PCDH8: variants seen among roughly 807,000 people sequenced by gnomAD.
PCDH8 encodes the protein protocadherin-8.
PCDH8 carries 36 observed loss-of-function variants against 58.2 expected under a neutral mutation model. The observed-to-expected ratio is 0.62, with a 90% CI of 0.47 to 0.82. The LOEUF (loss-of-function observed/expected upper bound fraction) is 0.82. Among genes scored for constraint, PCDH8 ranks in the 40% least tolerant of loss-of-function variants. The pLI, the probability that PCDH8 is intolerant of heterozygous loss-of-function variation, is 0.00. For synonymous variants in PCDH8, 775 were observed against 728.9 expected, an observed-to-expected ratio of 1.06 and a Z score of -1.02; for missense variants, 1,493 against 1,567.8, an observed-to-expected ratio of 0.95 and a Z score of 0.81.
chr13:52,844,743 C>T lies in PCDH8; in HGVS notation c.3030G>A (p.Lys1010=). 6.2e-7 allele frequency: 1 copy of T among 1,613,668 alleles called. No homozygotes were observed. The highest frequency in any genetic ancestry group is 1.1e-5 in the South Asian group (1 of 90,996). The part of the protein sequence containing the change: ...RDNYYQAQLP[K]TVGLQSVYEK... Reference sequence around the variant, plus strand: ...CATAGACGCTCTGCAGCCCCACTGTCTTGGGCAGCTGGGCCTGGTAGTAAT... The same window carrying T: ...CATAGACGCTCTGCAGCCCCACTGTTTTGGGCAGCTGGGCCTGGTAGTAAT... Residue 1010 remains lysine (K), a synonymous_variant, in exon 3 of 3, where the codon AAG becomes AAA. Coordinates refer to ENST00000377942, the MANE Select transcript of PCDH8 (RefSeq NM_002590.4).
In PCDH8 at chr13:52,846,122, G is replaced by A. The variant is rs764299675; in HGVS notation, c.2315C>T (p.Thr772Ile). 1 of 1,582,968 alleles carries A rather than the reference G, an allele frequency of 6.3e-7. No homozygotes were observed. Among genetic ancestry groups the A allele is most frequent in the Non-Finnish European group, 8.5e-7 (1 of 1,171,944 alleles). Residue 772 changes from threonine (T) to isoleucine (I), a missense_variant, in exon 1 of 3, where the codon ACC (threonine) becomes ATC (isoleucine). Physicochemically the swap from Thr to Ile is moderately conservative, Grantham distance 89 (BLOSUM62 -1). Around this residue, in one of 3 missense-constraint regions of PCDH8, gnomAD observed 1,307 missense variants for 1,362.7 expected, o/e 0.96. Transcript: ENST00000377942. ...CTCCTTCTTGCGGCGGTTGCAGGTG[G>A]TGGCGATGGCGATGATGGCGGCCAG... ...LLLAAIIAIA[T>I]TCNRRKKEVR...
rs779347497 is a variant in PCDH8 at position 52,844,940 on chromosome 13, C to T, written c.2840-7G>A. 44 of 1,512,268 alleles carry T rather than the reference C, an allele frequency of 2.9e-5. No homozygotes were observed. The highest frequency in any genetic ancestry group is 3.7e-5 in the Non-Finnish European group (42 of 1,131,144). The allele number at this position is 1,512,268 out of a possible 1,614,324, so 93.7% of individuals were successfully genotyped here. A position where few individuals can be genotyped will look rare whatever the true frequency, so the allele number is the denominator to read the frequency against. On this transcript the variant is annotated splice_polypyrimidine_tract_variant and splice_region_variant and intron_variant, in intron 2 of 2. Transcript: ENST00000377942. ...GCGGTGCACGCCCACAGTCCTAATA[C>T]GAAAGGGAAAAGGAAACAGCATGAC...
chr13:52,848,002 G>T lies in PCDH8; in HGVS notation c.435C>A (p.Ser145=). ...FPRAQIPVEV[S]EGAAVGTRIP... ...TGCGCGTGCCCACTGCCGCACCCTC[G>T]GACACCTCTACCGGGATCTGGGCCC... The change falls in exon 1 of 3, where the codon TCC becomes TCA. Residue 145 remains serine, a synonymous_variant. Transcript: ENST00000377942. 6.2e-7 allele frequency: 1 copy of T among 1,610,268 alleles called. No homozygotes were observed. The highest frequency in any genetic ancestry group is 8.5e-7 in the Non-Finnish European group (1 of 1,177,786).
rs529603947 is a variant in PCDH8, at chr13:52,844,322, A to G, written c.*238T>C. On this transcript the variant is annotated 3_prime_UTR_variant, in exon 3 of 3. Transcript: ENST00000377942. ...AACACTAAGAAAATGGCAAGCCGCA[A>G]TTGAAATCAAAGTCAATAGCATAAG... is the stretch of plus-strand genomic sequence containing the variant. 2 of 332,866 alleles carry G rather than the reference A, an allele frequency of 6.0e-6. No individual in the cohort carries two copies. The highest frequency in any genetic ancestry group is 5.5e-6 in the Non-Finnish European group (1 of 182,986). The allele number at this position is 332,866 out of a possible 1,614,324, so 20.6% of individuals were successfully genotyped here.
rs930261447 is a variant in PCDH8, at chr13:52,845,341, G to A, written c.2839+84C>T. 2.3e-6 allele frequency: 3 copies of A among 1,280,318 alleles called. No homozygotes were observed. The African/African-American group carries it at 4.4e-5, about 19-fold the overall frequency. 79.3% of individuals were successfully genotyped at this position (1,280,318 alleles called of 1,614,324 possible). A position where few individuals can be genotyped will look rare whatever the true frequency, so the allele number is the denominator to read the frequency against. On this transcript the variant is annotated intron_variant, in intron 2 of 2. Transcript: ENST00000377942. ...AGTGGGGAAGAGGGAAGGGGGCTGG[G>A]AACCGAGATTGAGAGGAGGCAAACA...
At position 52,843,920 on chromosome 13, in the gene PCDH8, A is replaced by T. The variant is rs1368992169; in HGVS notation, c.*640T>A. The T allele has an allele frequency of 6.6e-6, 1 of 152,462 alleles. No homozygotes were observed. The highest frequency in any genetic ancestry group is 6.5e-5 in the Admixed American group (1 of 15,288). The allele number at this position is 152,462 out of a possible 1,614,324, so 9.4% of individuals were successfully genotyped here. A position where few individuals can be genotyped will look rare whatever the true frequency, so the allele number is the denominator to read the frequency against. On this transcript the variant is annotated 3_prime_UTR_variant, in exon 3 of 3. Transcript: ENST00000377942. ...GAAAGAAGGTTTCATTCTGATACTCAAATTATTTGTGAATGTCTGACTATA... is the reference window on the plus strand; with the variant it reads ...GAAAGAAGGTTTCATTCTGATACTCTAATTATTTGTGAATGTCTGACTATA...
chr13:52,845,276 G>T, intron 2 of PCDH8, 149 bp downstream of exon 2: 2 of 753,606 alleles, frequency 2.7e-6, no homozygotes, highest in Non-Finnish European at 4.4e-6. Context: ...AATTCACCGT[G>T]TGAGGCAGGC....
intron 2 of PCDH8, 95 bp from the exon 3 acceptor site, chr13:52,845,028 C>T: frequency 2.9e-6 from 4 of 1,362,184 alleles, no homozygotes; most frequent in Non-Finnish European, 4.0e-6. Flanking sequence ...TGGGTCAGGG[C>T]AGCTGAAAGG....
chr13:52,847,922 A>G lies in PCDH8; in HGVS notation c.515T>C (p.Val172Ala). Residue 172 changes from valine (V) to alanine (A), a missense_variant, in exon 1 of 3, where the codon GTG becomes GCG. By Grantham distance (64) the Val-to-Ala change is moderately conservative. This residue lies in a region of PCDH8 where 1,307 missense variants were observed against 1,362.7 expected (regional missense o/e 0.96). Transcript: ENST00000377942. ...GGGGCTGTGCGGCTCGGCCAGGCGC[A>G]CGGTCTGCAGCCCGTTGGCGCCCAC... is the stretch of plus-strand genomic sequence containing the variant. ...EDVGANGLQTVRLAEPHSPFR... is the reference protein window; with the variant it reads ...EDVGANGLQTARLAEPHSPFR... The G allele has an allele frequency of 6.3e-7, 1 of 1,599,094 alleles. No homozygotes were observed. Among genetic ancestry groups the G allele is most frequent in the Non-Finnish European group, 8.5e-7 (1 of 1,175,350 alleles).
Position 52,847,602 on chromosome 13 carries a change from C to T in PCDH8, c.835G>A (p.Gly279Ser). ...GCGCCAAATGCGAACACCACGTCGC[C>T]GTTAGGTCCCTCGTCGGGGTCGGCT... ...DAADPDEGPN[G>S]DVVFAFGART... The change falls in exon 1 of 3, where the codon GGC (glycine) becomes AGC (serine). Residue 279 changes from glycine (G) to serine (S), a missense_variant. Gly to Ser is a moderately conservative substitution (Grantham distance 56). This residue lies in a region of PCDH8 where 1,307 missense variants were observed against 1,362.7 expected (regional missense o/e 0.96). Transcript: ENST00000377942. The T allele has an allele frequency of 6.4e-7, 1 of 1,570,296 alleles. No individual in the cohort carries two copies. The highest frequency in any genetic ancestry group is 1.4e-5 in the African/African-American group (1 of 73,286).
rs142341255 is a variant in PCDH8 at position 52,846,715 on chromosome 13, T to G, written c.1722A>C (p.Gln574His). 5 of 1,596,082 alleles carry G rather than the reference T, an allele frequency of 3.1e-6. No individual in the cohort carries two copies. In the East Asian group the frequency reaches 9.0e-5, roughly 29 times the overall value. Residue 574 changes from glutamine to histidine, a missense_variant, in exon 1 of 3, where the codon CAA becomes CAC. Physicochemically the swap from Gln to His is conservative, Grantham distance 24. Around this residue, in one of 3 missense-constraint regions of PCDH8, gnomAD observed 1,307 missense variants for 1,362.7 expected, o/e 0.96. Transcript: ENST00000377942. ...CGCTAGCTTGGATGCGAACGTCGAGTTGGCGCAGCGTCTCATAGTCGAAGC... is the reference window on the plus strand; with the variant it reads ...CGCTAGCTTGGATGCGAACGTCGAGGTGGCGCAGCGTCTCATAGTCGAAGC... The part of the protein sequence containing the change: ...LRSFDYETLR[Q>H]LDVRIQASDG...
In PCDH8 at chr13:52,843,203, T is replaced by C. The variant is rs561110053; in HGVS notation, c.*1357A>G. On this transcript the variant is annotated 3_prime_UTR_variant, in exon 3 of 3. Coordinates refer to ENST00000377942, the MANE Select transcript of PCDH8 (RefSeq NM_002590.4). ...AGAGTATAAGACATAGGCATAGTAC[T>C]CTTGAGTGTCTTTTTTTAAGACTTT... 6.6e-6 allele frequency: 1 copy of C among 152,348 alleles called. No individual in the cohort carries two copies. Among genetic ancestry groups the C allele is most frequent in the African/African-American group, 2.4e-5 (1 of 41,570 alleles). 9.4% of individuals were successfully genotyped at this position (152,348 alleles called of 1,614,324 possible). A position where few individuals can be genotyped will look rare whatever the true frequency, so the allele number is the denominator to read the frequency against.
chr13:52,847,288 G>A lies in PCDH8; in HGVS notation c.1149C>T (p.Asp383=), dbSNP rs1965755917. ...TCCCGGCTCCCGCCGGCGAGCTAGC[G>A]TCCGCTCCCCCGAGTGCAGCGGCGG... The part of the protein sequence containing the change: ...AAAAAALGGA[D]ASSPAGAGTP... The change falls in exon 1 of 3, where the codon GAC becomes GAT. Residue 383 remains aspartate (D), a synonymous_variant. Transcript: ENST00000377942. The A allele has an allele frequency of 7.2e-7, 1 of 1,386,124 alleles. No individual in the cohort carries two copies. Among genetic ancestry groups the A allele is most frequent in the South Asian group, 1.7e-5 (1 of 59,734 alleles). 85.9% of individuals were successfully genotyped at this position (1,386,124 alleles called of 1,614,324 possible). A position where few individuals can be genotyped will look rare whatever the true frequency, so the allele number is the denominator to read the frequency against.
chr13:52,847,190 G>C lies in PCDH8; in HGVS notation c.1247C>G (p.Thr416Ser). 6.8e-7 allele frequency: 1 copy of C among 1,470,250 alleles called. No individual in the cohort carries two copies. The highest frequency in any genetic ancestry group is 8.9e-7 in the Non-Finnish European group (1 of 1,117,780). 91.1% of individuals were successfully genotyped at this position (1,470,250 alleles called of 1,614,324 possible). A position where few individuals can be genotyped will look rare whatever the true frequency, so the allele number is the denominator to read the frequency against. Residue 416 changes from threonine (T) to serine (S), a missense_variant, in exon 1 of 3, where the codon ACC becomes AGC. By Grantham distance (58) the Thr-to-Ser change is moderately conservative. This residue lies in a region of PCDH8 where 1,307 missense variants were observed against 1,362.7 expected (regional missense o/e 0.96). Transcript: ENST00000377942. ...ARESLVALVS[T>S]SDRDSGANGQ... Reference sequence around the variant, plus strand: ...GTTGGCGCCCGAGTCCCTGTCCGAGGTGCTGACCAGGGCCACCAGGCTCTC... The same window carrying C: ...GTTGGCGCCCGAGTCCCTGTCCGAGCTGCTGACCAGGGCCACCAGGCTCTC...
At chr13:52,845,216 G>A (rs1382300454) in intron 2 of PCDH8, among the ~76,000 whole-genome samples, 2 of 152,208 alleles carry the variant, frequency 1.3e-5, no homozygotes, top group Non-Finnish European at 2.9e-5. Flanking sequence ...CTAACAGGAT[G>A]AGGGTGTGTT....
Position 52,847,234 on chromosome 13 carries a change from C to A in PCDH8, c.1203G>T (p.Val401=). 7.2e-7 allele frequency: 1 copy of A among 1,395,518 alleles called. No individual in the cohort carries two copies. Among genetic ancestry groups the A allele is most frequent in the Non-Finnish European group, 9.2e-7 (1 of 1,082,244 alleles). The allele number at this position is 1,395,518 out of a possible 1,614,324, so 86.4% of individuals were successfully genotyped here. Reference sequence around the variant, plus strand: ...GGCTCTCGCGCGCCGCCCCCTCCGGCACCAGCGAAGTGGCACCAGCCTCCG... The same window carrying A: ...GGCTCTCGCGCGCCGCCCCCTCCGGAACCAGCGAAGTGGCACCAGCCTCCG... ...GTPEAGATSL[V]PEGAARESLV... The change falls in exon 1 of 3, where the codon GTG becomes GTT. Residue 401 remains valine, a synonymous_variant. Transcript: ENST00000377942.
chr13:52,848,297 C>T lies in PCDH8; in HGVS notation c.140G>A (p.Gly47Glu). 1 of 1,613,592 alleles carries T rather than the reference C, an allele frequency of 6.2e-7. No individual in the cohort carries two copies. The change falls in exon 1 of 3, where the codon GGG becomes GAG. Residue 47 changes from glycine (G) to glutamate (E), a missense_variant. Physicochemically the swap from Gly to Glu is moderately conservative, Grantham distance 98. Coordinates refer to ENST00000377942, the MANE Select transcript of PCDH8 (RefSeq NM_002590.4). The part of the protein sequence containing the change: ...FEEDAPGTVI[G>E]TLAEDLHMKV... ...CATATGCAGGTCCTCGGCCAGGGTCCCGATGACCGTGCCGGGGGCATCCTC... is the reference window on the plus strand; with the variant it reads ...CATATGCAGGTCCTCGGCCAGGGTCTCGATGACCGTGCCGGGGGCATCCTC...
rs899065406 is a variant in PCDH8, at chr13:52,844,931, G to A, written c.2842C>T (p.Leu948=). Residue 948 remains leucine (L), a splice_region_variant and synonymous_variant, in exon 3 of 3, where the codon CTG becomes TTG. Transcript: ENST00000377942. ...TTACACTCAGCGGTGCACGCCCACA[G>A]TCCTAATACGAAAGGGAAAAGGAAA... is the stretch of plus-strand genomic sequence containing the variant. The part of the protein sequence containing the change: ...KDLINHMQSG[L]WACTAECKIL... 1 of 1,515,364 alleles carries A rather than the reference G, an allele frequency of 6.6e-7. No homozygotes were observed. The highest frequency in any genetic ancestry group is 1.4e-5 in the African/African-American group (1 of 71,790). 93.9% of individuals were successfully genotyped at this position (1,515,364 alleles called of 1,614,324 possible). A position where few individuals can be genotyped will look rare whatever the true frequency, so the allele number is the denominator to read the frequency against.
rs1031400566 is a variant in PCDH8 at position 52,848,525 on chromosome 13, C to T, written c.-89G>A. ...TCAGTCTCAGGCTCTCGGAATCACG[C>T]TCTTTGCGAGCCCTGTGCGGGAGAA... On this transcript the variant is annotated 5_prime_UTR_variant, in exon 1 of 3. Transcript: ENST00000377942. The T allele has an allele frequency of 2.6e-5, 38 of 1,470,544 alleles. No individual in the cohort carries two copies. Among genetic ancestry groups the T allele is most frequent in the Non-Finnish European group, 3.1e-5 (35 of 1,117,100 alleles). 91.1% of individuals were successfully genotyped at this position (1,470,544 alleles called of 1,614,324 possible).
Sources: gnomAD v4.1 joint callset for allele counts (sites outside exome capture counted in the v4.1 genomes callset) on GRCh38, gnomAD v4.1.1 for gene constraint, gnomAD v4.1.1 regional missense constraint, MANE v1.5 for transcripts, NCBI Gene and HGNC (gene_info 2026-07-23, HGNC 2026-07-21) for gene names.